ADGRV1: variants seen among roughly 807,000 people sequenced by gnomAD.
ADGRV1 encodes G-protein coupled receptor 98.
ADGRV1 carries 359 observed loss-of-function variants against 596.2 expected under a neutral mutation model. The observed-to-expected ratio is 0.60, with a 90% CI of 0.55 to 0.66. ADGRV1 has a LOEUF of 0.66. Among genes scored for constraint, ADGRV1 ranks in the 30% least tolerant of loss-of-function variants. ADGRV1 has a pLI of 0.00. For synonymous variants in ADGRV1, 2,681 were observed against 2,679.2 expected, an observed-to-expected ratio of 1.00 and a Z score of -0.02; for missense variants, 7,274 against 7,575.6, an observed-to-expected ratio of 0.96 and a Z score of 1.48.
intron 84 of ADGRV1, among the ~76,000 whole-genome samples, chr5:90,968,546 A>G (rs1240576392): frequency 1.3e-5 from 2 of 152,206 alleles, no homozygotes; most frequent in African/African-American, 4.8e-5. Context: ...TGTATTTCAG[A>G]TGGTACACCA....
chr5:90,886,725 C>T (rs901091211), intron 83 of ADGRV1, among the ~76,000 whole-genome samples: 6 of 152,126 alleles, frequency 3.9e-5, no homozygotes, highest in East Asian at 3.9e-4. Flanking sequence ...GTTTAACATC[C>T]GCTTGAAAAC....
At chr5:90,706,688 A>T (rs1487546665) in intron 38 of ADGRV1, among the ~76,000 whole-genome samples, 3 of 151,382 alleles carry the variant, frequency 2.0e-5, no homozygotes, top group Non-Finnish European at 4.4e-5. Context: ...TAAGACATCA[A>T]GTTTCATGAA....
chr5:90,927,906 G>C (rs2150779409), intron 83 of ADGRV1, among the ~76,000 whole-genome samples: 1 of 152,150 alleles, frequency 6.6e-6, no homozygotes, highest in East Asian at 1.9e-4. Flanking sequence ...AGTTTGGCTG[G>C]ATATGAAATT....
intron 85 of ADGRV1, among the ~76,000 whole-genome samples, chr5:91,041,110 C>T (rs903596340): frequency 5.3e-5 from 8 of 152,116 alleles, no homozygotes; most frequent in African/African-American, 1.4e-4. Flanking sequence ...CTAGAAATAC[C>T]GTTTGACCCA....
chr5:91,142,348 T>G (rs1339782900), intron 87 of ADGRV1, among the ~76,000 whole-genome samples: 1 of 152,054 alleles, frequency 6.6e-6, no homozygotes, highest in Non-Finnish European at 1.5e-5. Flanking sequence ...TAAAGGAAGG[T>G]CTTCCTTTTT....
At chr5:90,663,329 T>C (rs1212574128) in intron 21 of ADGRV1, among the ~76,000 whole-genome samples, 1 of 150,780 alleles carries the variant, frequency 6.6e-6, no homozygotes, top group Admixed American at 6.6e-5. Context: ...TGGTATCTTA[T>C]TGTGGTTTTG....
intron 89 of ADGRV1, 97 bp downstream of exon 89, chr5:91,153,495 C>A (rs1297882224): frequency 2.7e-6 from 2 of 752,106 alleles, no homozygotes; most frequent in South Asian, 2.9e-5. Flanking sequence ...CTATCAGTCA[C>A]CCTTAGCACA....
intron 58 of ADGRV1, among the ~76,000 whole-genome samples, chr5:90,761,674 T>C (rs959021386): frequency 6.6e-6 from 1 of 152,216 alleles, no homozygotes; most frequent in African/African-American, 2.4e-5. Flanking sequence ...TTCTGGGAAA[T>C]AATATCGTTA....
chr5:91,091,626 G>A (rs931350383), intron 86 of ADGRV1: 5 of 152,134 alleles, frequency 3.3e-5, no homozygotes, highest in African/African-American at 1.2e-4. Context: ...GAACCAACAA[G>A]AGATCACCTG....
At chr5:91,154,374 C>G (rs1218595235) in intron 89 of ADGRV1, among the ~76,000 whole-genome samples, 1 of 152,146 alleles carries the variant, frequency 6.6e-6, no homozygotes, top group Non-Finnish European at 1.5e-5. Context: ...AAACATTTTT[C>G]TTTATTATTT....
intron 85 of ADGRV1, among the ~76,000 whole-genome samples, chr5:91,011,820 G>T (rs1266907167): frequency 6.6e-6 from 1 of 151,792 alleles, no homozygotes; most frequent in Non-Finnish European, 1.5e-5. Flanking sequence ...TATTAGCTTG[G>T]AATTGCATTT....
intron 85 of ADGRV1, among the ~76,000 whole-genome samples, chr5:90,990,963 A>G (rs1274919799): frequency 1.3e-5 from 2 of 151,982 alleles, no homozygotes; most frequent in African/African-American, 4.8e-5. Flanking sequence ...GGAGGGGAAA[A>G]GAGAATATAA....
At chr5:90,891,603 A>C (rs541257872) in intron 83 of ADGRV1, among the ~76,000 whole-genome samples, 4 of 151,956 alleles carry the variant, frequency 2.6e-5, no homozygotes, top group Non-Finnish European at 5.9e-5. Context: ...GTGATGATAA[A>C]ACAATAAAAT....
chr5:90,787,137 A>T (rs745424230), intron 67 of ADGRV1, among the ~76,000 whole-genome samples: 1 of 152,178 alleles, frequency 6.6e-6, no homozygotes, highest in Non-Finnish European at 1.5e-5. Flanking sequence ...ACGACAGGAC[A>T]TGGTGTTTCA....
chr5:90,660,085 T>C (rs1466838818), intron 21 of ADGRV1, among the ~76,000 whole-genome samples: 1 of 151,794 alleles, frequency 6.6e-6, no homozygotes, highest in African/African-American at 2.4e-5. Flanking sequence ...CAAGAGGAGC[T>C]AGGAGAATCC....
At chr5:90,710,539 CTT>C (rs1484211832) in intron 39 of ADGRV1, among the ~76,000 whole-genome samples, 2 of 152,158 alleles carry the variant, frequency 1.3e-5, no homozygotes, top group African/African-American at 4.8e-5. Context: ...CTCTGTGTCT[CTT>C]TTGCACACCT....
chr5:90,929,270 TA>T (rs943535193), intron 83 of ADGRV1: 2 of 154,214 alleles, frequency 1.3e-5, no homozygotes, highest in African/African-American at 4.8e-5. Flanking sequence ...ACTGCTGTGC[TA>T]GCAATCAGCG....
chr5:91,044,809 T>C (rs1785652995), intron 85 of ADGRV1, among the ~76,000 whole-genome samples: 1 of 152,176 alleles, frequency 6.6e-6, no homozygotes, highest in Non-Finnish European at 1.5e-5. Context: ...ATGCTTAGCA[T>C]TGAGCTGGAT....
intron 86 of ADGRV1, among the ~76,000 whole-genome samples, chr5:91,078,361 G>C (rs896842523): frequency 2.0e-5 from 3 of 152,126 alleles, no homozygotes; most frequent in Non-Finnish European, 4.4e-5. Context: ...AAAGGAAAGA[G>C]CTCCTGGTAA....
Sources: gnomAD v4.1 joint callset for allele counts (sites outside exome capture counted in the v4.1 genomes callset) on GRCh38, gnomAD v4.1.1 for gene constraint, MANE v1.5 for transcripts, NCBI Gene and HGNC (gene_info 2026-07-23, HGNC 2026-07-21) for gene names.